The following FAM91A1 variants were observed in gnomAD, a reference collection of about 807,000 sequenced individuals.
The protein encoded by FAM91A1 is family with sequence similarity 91 member A1.
A neutral mutation model predicts 113.5 loss-of-function variants in FAM91A1; 41 were observed. That is an observed-to-expected ratio of 0.36 (90% CI 0.28 to 0.47). FAM91A1 has a LOEUF of 0.47. Ranked by LOEUF, FAM91A1 falls within the 20% of genes least tolerant of loss-of-function variation. FAM91A1 has a pLI of 1.00. For synonymous variants in FAM91A1, 307 were observed against 347.9 expected (o/e 0.88, Z 1.31); for missense variants, 696 against 1,001.2 (o/e 0.70, Z 4.11).
At chr8:123,810,436 C>T (rs752517824) in intron 23 of FAM91A1, 85 bp downstream of exon 23, 2 of 1,138,820 alleles carry the variant, frequency 1.8e-6, no homozygotes, top group South Asian at 1.3e-5. Context: ...TGAGTCACCA[C>T]AGCAGCAAGA....
At chr8:123,771,765 T>C (rs1814845698) in intron 1 of FAM91A1, among the ~76,000 whole-genome samples, 1 of 152,186 alleles carries the variant, frequency 6.6e-6, no homozygotes, top group African/African-American at 2.4e-5. Flanking sequence ...TGGGGATGTA[T>C]ATGCTGGGAT....
chr8:123,770,200 C>T (rs768843190), intron 1 of FAM91A1, among the ~76,000 whole-genome samples: 8 of 152,194 alleles, frequency 5.3e-5, no homozygotes, highest in South Asian at 2.1e-4. Context: ...ATCCGCCCGT[C>T]TCGGCCTTCC....
intron 15 of FAM91A1, among the ~76,000 whole-genome samples, chr8:123,794,613 T>C (rs1269351074): frequency 7.9e-5 from 12 of 152,258 alleles, no homozygotes. Flanking sequence ...CCTGTGACGC[T>C]GATCATCTCT....
intron 20 of FAM91A1, among the ~76,000 whole-genome samples, chr8:123,807,046 A>G (rs1815829657): frequency 6.6e-6 from 1 of 151,888 alleles, no homozygotes; most frequent in Admixed American, 6.6e-5. Context: ...GAGATCTTTC[A>G]TTATCTCCCA....
chr8:123,799,742 C>T (rs1351669602), intron 17 of FAM91A1, 30 bp from the exon 18 acceptor site: 1 of 1,604,850 alleles, frequency 6.2e-7, no homozygotes, highest in Non-Finnish European at 8.5e-7. Context: ...TTTCTGAATG[C>T]CATTTTACCT....
At chr8:123,809,075 G>C in intron 22 of FAM91A1, 59 bp downstream of exon 22, 1 of 1,585,734 alleles carries the variant, frequency 6.3e-7, no homozygotes, top group Non-Finnish European at 8.6e-7. Context: ...TCAGCAAATA[G>C]TTACCATATC....
intron 15 of FAM91A1, among the ~76,000 whole-genome samples, chr8:123,790,981 C>A (rs1302121899): frequency 6.6e-6 from 1 of 152,174 alleles, no homozygotes; most frequent in Non-Finnish European, 1.5e-5. Flanking sequence ...GTGAGTGGCA[C>A]AGTCTTGAGG....
intron 11 of FAM91A1, chr8:123,786,085 T>C (rs1434684296): frequency 1.2e-5 from 4 of 328,992 alleles, no homozygotes; most frequent in Non-Finnish European, 1.8e-5. Flanking sequence ...TTCCAAAGTG[T>C]TGGGATTGCA....
chr8:123,787,624 G>T (rs553699593), intron 13 of FAM91A1, 40 bp from the exon 14 acceptor site: 18 of 1,489,378 alleles, frequency 1.2e-5, no homozygotes, highest in East Asian at 2.3e-5. Flanking sequence ...AGCATAAAAA[G>T]GGAGAAGTAG....
chr8:123,775,031 C>T, intron 2 of FAM91A1, 116 bp from the exon 3 acceptor site: 6 of 972,676 alleles, frequency 6.2e-6, no homozygotes, highest in Non-Finnish European at 7.1e-6. Context: ...TTTATTTGTT[C>T]TCTTGTAATT....
intron 2 of FAM91A1, 104 bp downstream of exon 2, chr8:123,774,268 T>C (rs1814926917): frequency 1.7e-5 from 15 of 886,996 alleles, no homozygotes; most frequent in Admixed American, 1.4e-4. Context: ...GATTATTCCA[T>C]GTACAGACTT....
rs1814759147 is a variant in FAM91A1, at chr8:123,768,537, C to T, written c.-166C>T. ...TGCTCTTGTACTCGGTTGGCCCGGG[C>T]GGCGCTGAACTGTCGGGAGCCTAGG... On this transcript the variant is annotated 5_prime_UTR_variant, in exon 1 of 24. Coordinates refer to ENST00000334705, the MANE Select transcript of FAM91A1 (RefSeq NM_144963.4). 2 of 546,340 alleles carry T rather than the reference C, an allele frequency of 3.7e-6. No homozygotes were observed. The highest frequency in any genetic ancestry group is 3.2e-6 in the Non-Finnish European group (1 of 314,162). 33.8% of individuals were successfully genotyped at this position (546,340 alleles called of 1,614,324 possible).
intron 1 of FAM91A1, among the ~76,000 whole-genome samples, chr8:123,769,149 A>G (rs191049244): frequency 2.4e-4 from 36 of 152,338 alleles, no homozygotes; most frequent in Admixed American, 1.2e-3. Flanking sequence ...ATAGCAGCTC[A>G]TACACACCTG....
chr8:123,794,370 A>G (rs1406070042), intron 15 of FAM91A1, among the ~76,000 whole-genome samples: 1 of 152,204 alleles, frequency 6.6e-6, no homozygotes, highest in Non-Finnish European at 1.5e-5. Context: ...ATATATACAG[A>G]TCCATTATAA....
intron 15 of FAM91A1, among the ~76,000 whole-genome samples, chr8:123,790,484 T>A (rs1815358213): frequency 6.6e-6 from 1 of 152,254 alleles, no homozygotes; most frequent in African/African-American, 2.4e-5. Flanking sequence ...TTCTTAGACA[T>A]TCACAAGAGT....
intron 8 of FAM91A1, among the ~76,000 whole-genome samples, chr8:123,781,905 A>G: frequency 6.6e-6 from 1 of 152,204 alleles, no homozygotes; most frequent in Non-Finnish European, 1.5e-5. Context: ...TGACAAGGAA[A>G]TGATTTCTGA....
In FAM91A1 at chr8:123,782,169, G is replaced by A. The variant is rs79452614; in HGVS notation, c.703+1627G>A. ...AAAAGCAGTCAGAGAAGGGCCAGAT[G>A]GATGGCTGCCCCATTACATTGATGT... On this transcript the variant is annotated intron_variant, in intron 8 of 23. Coordinates refer to ENST00000334705, the MANE Select transcript of FAM91A1 (RefSeq NM_144963.4). Among the ~76,000 whole-genome samples the A allele has an allele frequency of 7.6e-3, 1,150 of 152,266 alleles. 15 individuals are homozygous for A. The highest frequency in any genetic ancestry group is 0.026 in the African/African-American group (1,067 of 41,548).
At chr8:123,800,844 AG>A (rs565996691) in intron 18 of FAM91A1, among the ~76,000 whole-genome samples, 206 of 152,288 alleles carry the variant, frequency 1.4e-3, no homozygotes, top group African/African-American at 4.6e-3. Context: ...ATGTTGTCAT[AG>A]TATCAATACT....
intron 9 of FAM91A1, 40 bp downstream of exon 9, chr8:123,784,616 T>A: frequency 6.9e-7 from 1 of 1,445,010 alleles, no homozygotes; most frequent in Admixed American, 1.9e-5. Flanking sequence ...AATCTCAAGA[T>A]TGTAAGTTTG....
Sources: allele counts gnomAD v4.1 joint callset (sites outside exome capture counted in the v4.1 genomes callset), GRCh38; gene constraint gnomAD v4.1.1; transcripts MANE v1.5; gene names NCBI Gene and HGNC (gene_info 2026-07-23, HGNC 2026-07-21).